Variants in DNAH10 observed in about 807,000 individuals in gnomAD.
DNAH10 encodes axonemal beta dynein heavy chain 10.
DNAH10 carries 348 observed loss-of-function variants against 506.6 expected under a neutral mutation model. That is an observed-to-expected ratio of 0.69 (90% CI 0.63 to 0.75). The LOEUF (loss-of-function observed/expected upper bound fraction) is 0.75, where lower values mean the gene tolerates loss of function less well. Among genes scored for constraint, DNAH10 ranks in the 30% least tolerant of loss-of-function variants. The probability of loss-of-function intolerance (pLI) is 0.00; values close to 1 mark genes in which losing one functional copy is unlikely to be tolerated. For missense variants in DNAH10, 5,179 were observed against 5,787.1 expected (o/e 0.89, Z 3.41); for synonymous variants, 2,059 against 2,198.6 (o/e 0.94, Z 1.78).
chr12:123,819,709 T>G (rs1356107928), intron 23 of DNAH10, among the ~76,000 whole-genome samples: 1 of 146,430 alleles, frequency 6.8e-6, no homozygotes, highest in Admixed American at 6.8e-5. Context: ...TGTTTTTTTT[T>G]TTTTTTTTTT....
In DNAH10 at chr12:123,914,279, T is replaced by C. The variant is rs1375867750; in HGVS notation, c.10353-50T>C. ...GGTTCTTCTGGAATGTTCCTTTTGG[T>C]TGTGGCCAGAAGGTAAACTCACGGC... is the stretch of plus-strand genomic sequence containing the variant. On this transcript the variant is annotated intron_variant, in intron 60 of 78. Coordinates refer to ENST00000673944, the MANE Select transcript of DNAH10 (RefSeq NM_001372106.1). 5 of 1,533,078 alleles carry C rather than the reference T, an allele frequency of 3.3e-6. No individual in the cohort carries two copies. In the African/African-American group the frequency reaches 4.3e-5, roughly 13 times the overall value. 95.0% of individuals were successfully genotyped at this position (1,533,078 alleles called of 1,614,324 possible).
Position 123,861,158 on chromosome 12 carries a change from A to G in DNAH10, c.6896A>G (p.Lys2299Arg). The G allele has an allele frequency of 6.2e-7, 1 of 1,613,918 alleles. No homozygotes were observed. The change falls in exon 39 of 79, where the codon AAG becomes AGG. Residue 2299 changes from lysine (K) to arginine (R), a missense_variant. By Grantham distance (26) the Lys-to-Arg change is conservative. Coordinates refer to ENST00000673944, the MANE Select transcript of DNAH10 (RefSeq NM_001372106.1). The stretch of plus-strand genomic sequence containing the variant: ...AGGGAAATCAACAAGCCAACAGACA[A>G]GAAGGAGCGAAAGTGAGTATCTTTG... The part of the protein sequence containing the change: ...IFREINKPTD[K>R]KERKYILFDG...
intron 19 of DNAH10, among the ~76,000 whole-genome samples, chr12:123,812,804 C>T (rs992935948): frequency 1.3e-5 from 2 of 152,078 alleles, no homozygotes; most frequent in African/African-American, 4.8e-5. Flanking sequence ...CTGGGGTTCT[C>T]TTGTGTATGG....
chr12:123,877,699 A>G, intron 47 of DNAH10, 37 bp from the exon 48 acceptor site: 1 of 1,557,210 alleles, frequency 6.4e-7, no homozygotes. Context: ...ACTGAAGGAC[A>G]TTTGTGTGTT....
rs1955423258 is a variant in DNAH10 at position 123,934,975 on chromosome 12, T to C, written c.13623+209T>C. 3 of 663,592 alleles carry C rather than the reference T, an allele frequency of 4.5e-6. No homozygotes were observed. In the Admixed American group the frequency reaches 8.8e-5, roughly 19 times the overall value. 41.1% of individuals were successfully genotyped at this position (663,592 alleles called of 1,614,324 possible). ...GTATGTGTGTGTGGATGCCGGTCCT[T>C]CCAGAGGTGTCAGGCTCAAGCTGTG... On this transcript the variant is annotated intron_variant, in intron 78 of 78. Transcript: ENST00000673944.
At chr12:123,786,737 G>A (rs2136199133) in intron 9 of DNAH10, among the ~76,000 whole-genome samples, 1 of 11,628 alleles carries the variant, frequency 8.6e-5, no homozygotes, top group East Asian at 1.5e-3. Context: ...TTCCCCAGTT[G>A]TACCTGGAGA....
intron 24 of DNAH10, 93 bp downstream of exon 24, chr12:123,820,851 T>A: frequency 7.1e-7 from 1 of 1,406,746 alleles, no homozygotes; most frequent in African/African-American, 1.4e-5. Flanking sequence ...ACCATAATAA[T>A]GAGCTTGGGT....
intron 52 of DNAH10, among the ~76,000 whole-genome samples, chr12:123,887,642 G>A (rs1017144934): frequency 1.3e-5 from 2 of 152,182 alleles, no homozygotes; most frequent in African/African-American, 4.8e-5. Context: ...CTTGATGAGA[G>A]GCCAGGTGTG....
At chr12:123,840,717 AG>A (rs1295546106) in intron 29 of DNAH10, among the ~76,000 whole-genome samples, 1 of 152,104 alleles carries the variant, frequency 6.6e-6, no homozygotes, top group African/African-American at 2.4e-5. Context: ...CTGATTTGTG[AG>A]TGCCTTGTAT....
intron 25 of DNAH10, 109 bp from the exon 26 acceptor site, chr12:123,830,437 A>G (rs1166355673): frequency 7.2e-6 from 9 of 1,249,076 alleles, no homozygotes; most frequent in Non-Finnish European, 9.9e-6. Flanking sequence ...GCAGAATTTC[A>G]TTATAAGAAG....
rs200907051 is a variant in DNAH10, at chr12:123,918,883, C to G, written c.11440C>G (p.Leu3814Val). The G allele has an allele frequency of 9.2e-5, 148 of 1,613,782 alleles. No individual in the cohort carries two copies. The highest frequency in any genetic ancestry group is 1.2e-4 in the Non-Finnish European group (142 of 1,179,892). Residue 3814 changes from leucine (L) to valine (V), a missense_variant, in exon 65 of 79, where the codon CTC becomes GTC. By Grantham distance (32) the Leu-to-Val change is conservative. Transcript: ENST00000673944. ...GAAGAAGTCGCTGCCTGATTCCATC[C>G]TCATGAAACGCCTGAGGAACATCAT... The part of the protein sequence containing the change: ...SLKKSLPDSI[L>V]MKRLRNIMDT...
chr12:123,795,130 G>A (rs1220271433), intron 12 of DNAH10, among the ~76,000 whole-genome samples: 3 of 123,604 alleles, frequency 2.4e-5, no homozygotes, highest in South Asian at 2.6e-4. Flanking sequence ...CCTGGGCGAC[G>A]AGTGAAACTT....
intron 21 of DNAH10, among the ~76,000 whole-genome samples, chr12:123,817,558 CT>C (rs1345023711): frequency 6.6e-6 from 1 of 152,114 alleles, no homozygotes; most frequent in Non-Finnish European, 1.5e-5. Context: ...ATTTCCTGTG[CT>C]CTACCAAAAT....
intron 41 of DNAH10, 100 bp from the exon 42 acceptor site, chr12:123,867,364 CAGA>C: frequency 1.6e-6 from 2 of 1,256,176 alleles, no homozygotes; most frequent in East Asian, 2.4e-5. Flanking sequence ...TATCATTCAT[CAGA>C]AGATGTTGCT....
At chr12:123,778,172 C>T (rs1957511773) in intron 5 of DNAH10, among the ~76,000 whole-genome samples, 1 of 150,046 alleles carries the variant, frequency 6.7e-6, no homozygotes, top group Non-Finnish European at 1.5e-5. Flanking sequence ...CACTGTACTA[C>T]AGCCTGGGTG....
intron 38 of DNAH10, 42 bp downstream of exon 38, chr12:123,859,310 G>T: frequency 1.4e-6 from 2 of 1,464,486 alleles, no homozygotes; most frequent in African/African-American, 1.4e-5. Flanking sequence ...TGCCACAGGG[G>T]CTCACAGTAT....
intron 8 of DNAH10, among the ~76,000 whole-genome samples, chr12:123,784,924 T>A (rs1957792766): frequency 6.6e-6 from 1 of 152,270 alleles, no homozygotes; most frequent in Non-Finnish European, 1.5e-5. Flanking sequence ...GTTTCACTCC[T>A]TTCTGTGGCA....
At chr12:123,840,655 G>A (rs1594163025) in intron 29 of DNAH10, among the ~76,000 whole-genome samples, 1 of 152,148 alleles carries the variant, frequency 6.6e-6, no homozygotes, top group South Asian at 2.1e-4. Flanking sequence ...CGCCTCTTTT[G>A]CAAACCTCTG....
At chr12:123,876,375 G>A (rs1952255607) in intron 47 of DNAH10, among the ~76,000 whole-genome samples, 1 of 152,188 alleles carries the variant, frequency 6.6e-6, no homozygotes, top group Non-Finnish European at 1.5e-5. Context: ...GCTCACGCCT[G>A]TAATCCCAGC....
Sources: allele counts gnomAD v4.1 joint callset (sites outside exome capture counted in the v4.1 genomes callset), GRCh38; gene constraint gnomAD v4.1.1; transcripts MANE v1.5; gene names NCBI Gene and HGNC (gene_info 2026-07-23, HGNC 2026-07-21).